The following PPIL3 variants were observed in gnomAD, a reference collection of about 807,000 sequenced individuals.
PPIL3 encodes peptidyl-prolyl cis-trans isomerase-like 3.
Under a neutral mutation model 20.9 loss-of-function variants are expected in PPIL3, and 13 were observed. The ratio of observed to expected loss-of-function variants is 0.62; its 90% CI spans 0.40 to 0.99. PPIL3 has a LOEUF of 0.99. Ranked by LOEUF, PPIL3 falls within the 50% of genes least tolerant of loss-of-function variation. The pLI, the probability that PPIL3 is intolerant of heterozygous loss-of-function variation, is 0.00. For missense variants in PPIL3, 170 were observed against 195.2 expected (o/e 0.87, Z 0.77); for synonymous variants, 71 against 64.4 (o/e 1.10, Z -0.49).
chr2:200,876,997 G>C lies in PPIL3; in HGVS notation c.281C>G (p.Pro94Arg), dbSNP rs142646713. The change falls in exon 6 of 7, where the codon CCG becomes CGG. Residue 94 changes from proline to arginine, a missense_variant. Transcript: ENST00000392283. ...RGVVSMANNG[P>R]NTNGSQFFIT... ...GAAGAACTGAGATCCATTGGTGTTCGGGCCATTATTAGCCATAGATACAAC... is the reference window on the plus strand; with the variant it reads ...GAAGAACTGAGATCCATTGGTGTTCCGGCCATTATTAGCCATAGATACAAC... The C allele has an allele frequency of 3.1e-6, 5 of 1,613,668 alleles. No homozygotes were observed. In the South Asian group the frequency reaches 4.4e-5, roughly 14 times the overall value.
chr2:200,875,161 T>C (rs17383151), intron 6 of PPIL3, among the ~76,000 whole-genome samples: 1,746 of 152,344 alleles, frequency 0.011, 16 homozygotes, highest in Non-Finnish European at 0.017. Context: ...CCATTCTTCT[T>C]ACTCGGAGAA....
At chr2:200,877,176 G>A in intron 5 of PPIL3, 139 bp from the exon 6 acceptor site, 1 of 618,900 alleles carries the variant, frequency 1.6e-6, no homozygotes, top group Admixed American at 2.7e-5. Flanking sequence ...GCTCAGGCTG[G>A]TCTCTAACTC....
chr2:200,885,675 A>C (rs771001855), intron 3 of PPIL3, 23 bp downstream of exon 3: 1 of 1,406,334 alleles, frequency 7.1e-7, no homozygotes, highest in South Asian at 1.2e-5. Context: ...ACTGATGTTG[A>C]ATATGTAAAT....
At chr2:200,888,130 C>G (rs1369782669) in intron 1 of PPIL3, among the ~76,000 whole-genome samples, 1 of 151,854 alleles carries the variant, frequency 6.6e-6, no homozygotes, top group Non-Finnish European at 1.5e-5. Context: ...ATATCCTACC[C>G]GATTCAAGCC....
At position 200,880,409 on chromosome 2, in the gene PPIL3, C is replaced by CT. The variant is rs779189285; in HGVS notation, c.240+1011dup. Among the ~76,000 whole-genome samples the CT allele has an allele frequency of 6.1e-4, 80 of 131,836 alleles. 1 individual carries two copies. Among genetic ancestry groups the CT allele is most frequent in the East Asian group, 1.0e-3 (5 of 4,898 alleles). 86.5% of individuals were successfully genotyped at this position (131,836 alleles called of 152,430 possible). A position where few individuals can be genotyped will look rare whatever the true frequency, so the allele number is the denominator to read the frequency against. The stretch of plus-strand genomic sequence containing the variant: ...AAACTGCATATTTTGATTGAGTAGA[C>CT]TTTTTTTTTTTTTTGAGTGGGGTCT... On this transcript the variant is annotated intron_variant, in intron 5 of 6. Transcript: ENST00000392283.
chr2:200,889,000 A>C lies in PPIL3; in HGVS notation c.-115T>G, dbSNP rs1253443217. On this transcript the variant is annotated 5_prime_UTR_variant, in exon 1 of 7. Coordinates refer to ENST00000392283, the MANE Select transcript of PPIL3 (RefSeq NM_130906.3). Reference sequence around the variant, plus strand: ...CTAGCACAGCCGTTGTTAAAACAGGAAAAATGCAATCGCAGATGCCAGCAG... The same window carrying C: ...CTAGCACAGCCGTTGTTAAAACAGGCAAAATGCAATCGCAGATGCCAGCAG... 4.2e-6 allele frequency: 2 copies of C among 471,096 alleles called. No homozygotes were observed. The highest frequency in any genetic ancestry group is 8.8e-6 in the Non-Finnish European group (2 of 227,078). The allele number at this position is 471,096 out of a possible 1,614,324, so 29.2% of individuals were successfully genotyped here.
intron 5 of PPIL3, among the ~76,000 whole-genome samples, chr2:200,879,142 G>A (rs1021172698): frequency 2.0e-5 from 3 of 150,882 alleles, no homozygotes; most frequent in Admixed American, 6.6e-5. Context: ...TTTTTTAGAC[G>A]GAGTCTCGCT....
chr2:200,876,583 T>G (rs2105764250), intron 6 of PPIL3, among the ~76,000 whole-genome samples: 1 of 151,424 alleles, frequency 6.6e-6, no homozygotes, highest in South Asian at 2.1e-4. Flanking sequence ...AATGGCATGA[T>G]CACGGCTCAC....
intron 5 of PPIL3, 103 bp from the exon 6 acceptor site, chr2:200,877,140 T>C (rs531782698): frequency 1.3e-6 from 1 of 788,964 alleles, no homozygotes; most frequent in African/African-American, 1.7e-5. Flanking sequence ...TTTAAAAATA[T>C]TTTGAGATTG....
intron 5 of PPIL3, among the ~76,000 whole-genome samples, chr2:200,879,184 T>C (rs891357196): frequency 2.0e-5 from 3 of 152,046 alleles, no homozygotes; most frequent in African/African-American, 7.2e-5. Context: ...AGCAGCACGA[T>C]CTCGGCTCAC....
At chr2:200,883,578 A>C (rs2039817858) in intron 3 of PPIL3, among the ~76,000 whole-genome samples, 1 of 151,814 alleles carries the variant, frequency 6.6e-6, no homozygotes, top group African/African-American at 2.4e-5. Context: ...ACATAGTAAG[A>C]CCTCATCTCT....
In PPIL3 at chr2:200,881,664, TACAAAAA is replaced by T. The variant is rs2039731446; in HGVS notation, c.173-183_173-177del. 6 of 532,194 alleles carry T rather than the reference TACAAAAA, an allele frequency of 1.1e-5. No individual in the cohort carries two copies. In the South Asian group the frequency reaches 1.6e-4, roughly 14 times the overall value. The allele number at this position is 532,194 out of a possible 1,614,324, so 33.0% of individuals were successfully genotyped here. A position where few individuals can be genotyped will look rare whatever the true frequency, so the allele number is the denominator to read the frequency against. Reference sequence around the variant, plus strand: ...ACAGACCTGAAGATTAAAACAGACCTACAAAAAACAAAAAAGAATAACCCTCCTTATA... The same window carrying T: ...ACAGACCTGAAGATTAAAACAGACCTACAAAAAAGAATAACCCTCCTTATA... On this transcript the variant is annotated intron_variant, in intron 4 of 6. Transcript: ENST00000392283.
chr2:200,882,208 T>C (rs534521153), intron 4 of PPIL3, 134 bp downstream of exon 4: 1 of 664,312 alleles, frequency 1.5e-6, no homozygotes, highest in African/African-American at 1.8e-5. Context: ...CTGCATGTTC[T>C]GTACTTGTAG....
intron 6 of PPIL3, among the ~76,000 whole-genome samples, chr2:200,872,916 A>C (rs1362101252): frequency 2.0e-5 from 3 of 147,780 alleles, no homozygotes; most frequent in Admixed American, 6.8e-5. Flanking sequence ...CTGGTCCCCC[A>C]GACTGGAGTG....
At chr2:200,873,132 T>C (rs1291787029) in intron 6 of PPIL3, among the ~76,000 whole-genome samples, 1 of 152,000 alleles carries the variant, frequency 6.6e-6, no homozygotes, top group Non-Finnish European at 1.5e-5. Flanking sequence ...CCTCCCAAAG[T>C]GTTGGGATTC....
At chr2:200,872,062 C>A (rs557557617) in intron 6 of PPIL3, among the ~76,000 whole-genome samples, 2 of 152,252 alleles carry the variant, frequency 1.3e-5, no homozygotes, top group African/African-American at 4.8e-5. Context: ...CCCGGTTAAT[C>A]CCACAAGACA....
Position 200,876,917 on chromosome 2 carries a change from A to G in PPIL3, c.359+2T>C, listed in dbSNP as rs1335053458. The G allele has an allele frequency of 1.3e-6, 2 of 1,584,516 alleles. No homozygotes were observed. The highest frequency in any genetic ancestry group is 1.7e-6 in the Non-Finnish European group (2 of 1,153,320). On this transcript the variant is annotated splice_donor_variant, in intron 6 of 6. Coordinates refer to ENST00000392283, the MANE Select transcript of PPIL3 (RefSeq NM_130906.3). LOFTEE classifies it high-confidence loss of function. ...AAAGAAAACCATAACCAGAATACTC[A>G]CTTTCCAAATACGGTGTATTTCATG...
In PPIL3 at chr2:200,873,983, A is replaced by C. The variant is rs2039411391; in HGVS notation, c.360-2462T>G. ...CACTTTGGGAGGCCAAGGCGGGCGG[A>C]TCACGAGGTCGGGAGATTGAGACCA... On this transcript the variant is annotated intron_variant, in intron 6 of 6. Coordinates refer to ENST00000392283, the MANE Select transcript of PPIL3 (RefSeq NM_130906.3). Among the ~76,000 whole-genome samples the C allele has an allele frequency of 2.0e-5, 3 of 151,586 alleles. No homozygotes were observed. The South Asian group carries it at 6.3e-4, about 32-fold the overall frequency.
intron 5 of PPIL3, chr2:200,877,740 C>G (rs183772482): frequency 6.6e-6 from 1 of 152,272 alleles, no homozygotes; most frequent in East Asian, 1.9e-4. Context: ...AATGAATAGG[C>G]TATCTCTTGA....
Sources: gnomAD v4.1 joint callset for allele counts (sites outside exome capture counted in the v4.1 genomes callset) on GRCh38, gnomAD v4.1.1 for gene constraint, MANE v1.5 for transcripts, NCBI Gene and HGNC (gene_info 2026-07-23, HGNC 2026-07-21) for gene names.